PLEKHA5: variants seen among roughly 807,000 people sequenced by gnomAD.
The protein encoded by PLEKHA5 is pleckstrin homology domain-containing family A member 5.
In PLEKHA5, 55 loss-of-function variants were observed where a neutral mutation model predicts 181.9. That is an observed-to-expected ratio of 0.30 (90% confidence interval 0.24 to 0.38). The LOEUF is 0.38. Ranked by LOEUF, PLEKHA5 falls within the 10% of genes least tolerant of loss-of-function variation. The pLI, the probability that PLEKHA5 is intolerant of heterozygous loss-of-function variation, is 1.00. For missense variants in PLEKHA5, 1,432 were observed against 1,549.5 expected (o/e 0.92, Z 1.27); for synonymous variants, 535 against 529.4 (o/e 1.01, Z -0.15).
intron 20 of PLEKHA5, among the ~76,000 whole-genome samples, chr12:19,334,019 A>T (rs553325367): frequency 1.4e-4 from 21 of 152,358 alleles, no homozygotes; most frequent in African/African-American, 5.0e-4. Context: ...GAAAAGTATT[A>T]GCCCTTGTAA....
At chr12:19,226,786 C>A (rs2059752496) in intron 3 of PLEKHA5, among the ~76,000 whole-genome samples, 2 of 152,168 alleles carry the variant, frequency 1.3e-5, no homozygotes, top group Non-Finnish European at 2.9e-5. Flanking sequence ...TGTTTAAGAA[C>A]TGAATGTGCT....
chr12:19,243,822 C>T (rs1258974414), intron 3 of PLEKHA5, among the ~76,000 whole-genome samples: 1 of 152,158 alleles, frequency 6.6e-6, no homozygotes, highest in Non-Finnish European at 1.5e-5. Context: ...TATTTCTTCA[C>T]ATAAAAAAGC....
Position 19,361,482 on chromosome 12 carries a change from C to T in PLEKHA5, c.3484-100C>T, listed in dbSNP as rs551376473. ...ACAGGCGTGAGCCATCACGCCCGAC[C>T]GTGATTGTTCAATAAACTTTATTTT... On this transcript the variant is annotated intron_variant, in intron 28 of 31. Coordinates refer to ENST00000429027, the MANE Select transcript of PLEKHA5 (RefSeq NM_001256470.2). 8.9e-4 allele frequency: 613 copies of T among 685,108 alleles called. 7 individuals carry two copies. In the South Asian group the frequency reaches 9.6e-3, roughly 11 times the overall value. 42.4% of individuals were successfully genotyped at this position (685,108 alleles called of 1,614,324 possible).
At chr12:19,211,148 G>C (rs983555805) in intron 3 of PLEKHA5, among the ~76,000 whole-genome samples, 1 of 151,978 alleles carries the variant, frequency 6.6e-6, no homozygotes, top group African/African-American at 2.4e-5. Context: ...CCAAAGATAT[G>C]AATAAGATAG....
At position 19,129,790 on chromosome 12, in the gene PLEKHA5, G is replaced by A. The variant is rs1462328235; in HGVS notation, c.-10G>A. On this transcript the variant is annotated 5_prime_UTR_variant, in exon 1 of 32. Transcript: ENST00000429027. ...CAGGAGAAGGCGGCGGCGGCGGCTAGGGATCAGACATGGCGGCGGATCTGA... is the reference window on the plus strand; with the variant it reads ...CAGGAGAAGGCGGCGGCGGCGGCTAAGGATCAGACATGGCGGCGGATCTGA... 2 of 1,591,190 alleles carry A rather than the reference G, an allele frequency of 1.3e-6. No individual in the cohort carries two copies. The highest frequency in any genetic ancestry group is 1.1e-5 in the South Asian group (1 of 89,424).
intron 12 of PLEKHA5, 118 bp downstream of exon 12, chr12:19,283,863 T>A (rs939433396): frequency 1.6e-6 from 1 of 629,338 alleles, no homozygotes; most frequent in Non-Finnish European, 2.7e-6. Flanking sequence ...GCAAGGCAGC[T>A]CTTTTTTGTT....
rs572731528 is a variant in PLEKHA5 at position 19,354,001 on chromosome 12, C to T, written c.3137C>T (p.Thr1046Met). ...ACTAAGAAGATGATGGATCTAAGAACGGTATTTAACTGGAAATTAATCTTC... is the reference window on the plus strand; with the variant it reads ...ACTAAGAAGATGATGGATCTAAGAATGGTATTTAACTGGAAATTAATCTTC... ...RKTKKMMDLR[T>M]ERPRSAVEQL... The change falls in exon 26 of 32, where the codon ACG (threonine) becomes ATG (methionine). Residue 1046 changes from threonine (T) to methionine (M), a missense_variant and splice_region_variant. Around this residue, in one of 2 missense-constraint regions of PLEKHA5, gnomAD observed 1,143 missense variants for 1,168.4 expected, o/e 0.98. Coordinates refer to ENST00000429027, the MANE Select transcript of PLEKHA5 (RefSeq NM_001256470.2). 69 of 1,358,798 alleles carry T rather than the reference C, an allele frequency of 5.1e-5. No homozygotes were observed. Among genetic ancestry groups the T allele is most frequent in the African/African-American group, 1.0e-4 (7 of 69,864 alleles). 84.2% of individuals were successfully genotyped at this position (1,358,798 alleles called of 1,614,324 possible).
chr12:19,342,465 T>C (rs2094008987), intron 21 of PLEKHA5, among the ~76,000 whole-genome samples: 2 of 152,106 alleles, frequency 1.3e-5, no homozygotes, highest in African/African-American at 4.8e-5. Flanking sequence ...AAGACCAGCC[T>C]GGCCAACATG....
rs2033622080 is a variant in PLEKHA5 at position 19,130,977 on chromosome 12, G to A, written c.169+847G>A. The A allele has an allele frequency of 1.3e-5, 2 of 152,448 alleles. No individual in the cohort carries two copies. 9.4% of individuals were successfully genotyped at this position (152,448 alleles called of 1,614,324 possible). On this transcript the variant is annotated intron_variant, in intron 2 of 31. Transcript: ENST00000429027. This position sits in a 1 kb window ranked among gnomAD's most constrained non-coding sequence, Gnocchi z 4.5. ...GGAAGCGGCTCTCTCGGGTGGCTTT[G>A]GGAGCTTGTTTGAATGCTAAGTGTG... is the stretch of plus-strand genomic sequence containing the variant.
intron 20 of PLEKHA5, among the ~76,000 whole-genome samples, chr12:19,326,835 T>A (rs1846857431): frequency 6.6e-6 from 1 of 152,226 alleles, no homozygotes; most frequent in Non-Finnish European, 1.5e-5. Context: ...TTTCTTTTCC[T>A]GCATTAATTT....
intron 3 of PLEKHA5, among the ~76,000 whole-genome samples, chr12:19,160,324 T>TA (rs1377379597): frequency 1.3e-5 from 2 of 152,196 alleles, no homozygotes; most frequent in African/African-American, 4.8e-5. Flanking sequence ...TATGAAATTA[T>TA]ACCTTGGGTC....
At chr12:19,202,426 G>A (rs1041983612) in intron 3 of PLEKHA5, among the ~76,000 whole-genome samples, 3 of 152,088 alleles carry the variant, frequency 2.0e-5, no homozygotes, top group Admixed American at 1.3e-4. Context: ...TGAGCATCTA[G>A]AGCAGTGGTT....
chr12:19,195,711 T>C (rs1470111500), intron 3 of PLEKHA5, among the ~76,000 whole-genome samples: 2 of 150,928 alleles, frequency 1.3e-5, no homozygotes, highest in Non-Finnish European at 2.9e-5. Flanking sequence ...AAGTAGCCTG[T>C]ATTTAGGCTA....
chr12:19,230,276 A>G (rs1168187635), intron 3 of PLEKHA5, among the ~76,000 whole-genome samples: 2 of 152,166 alleles, frequency 1.3e-5, no homozygotes, highest in African/African-American at 4.8e-5. Flanking sequence ...TCCCCACTAG[A>G]CTCAGGAGCC....
intron 3 of PLEKHA5, among the ~76,000 whole-genome samples, chr12:19,202,256 T>C (rs1338531308): frequency 2.0e-5 from 3 of 151,924 alleles, no homozygotes; most frequent in African/African-American, 7.2e-5. Flanking sequence ...CCTCTGAGTC[T>C]CTGTGTCCAG....
intron 10 of PLEKHA5, among the ~76,000 whole-genome samples, chr12:19,272,739 AAATAAT>A (rs767221456): frequency 6.6e-6 from 1 of 152,218 alleles, no homozygotes; most frequent in Non-Finnish European, 1.5e-5. Context: ...ACCTTATCTC[AAATAAT>A]AATGATAATA....
intron 3 of PLEKHA5, among the ~76,000 whole-genome samples, chr12:19,190,042 T>G (rs1181957005): frequency 6.6e-6 from 1 of 152,202 alleles, no homozygotes; most frequent in Non-Finnish European, 1.5e-5. Flanking sequence ...CTTCTTCATT[T>G]CCTCCTTGTG....
chr12:19,156,735 T>C (rs1228007402), intron 3 of PLEKHA5, among the ~76,000 whole-genome samples: 1 of 151,790 alleles, frequency 6.6e-6, no homozygotes, highest in Non-Finnish European at 1.5e-5. Flanking sequence ...GACTATATAT[T>C]GGAAATGTAG....
chr12:19,248,713 C>T (rs1323967662), intron 3 of PLEKHA5, among the ~76,000 whole-genome samples: 6 of 152,050 alleles, frequency 3.9e-5, no homozygotes, highest in Non-Finnish European at 5.9e-5. Context: ...ATGATGTTCA[C>T]ACAACTAAAA....
Sources: allele counts gnomAD v4.1 joint callset (sites outside exome capture counted in the v4.1 genomes callset), GRCh38; gene constraint gnomAD v4.1.1; regional missense constraint gnomAD v4.1.1; non-coding constraint Gnocchi (gnomAD v3.1); transcripts MANE v1.5; gene names NCBI Gene and HGNC (gene_info 2026-07-23, HGNC 2026-07-21).